The following CEP112 variants were observed in gnomAD, a reference collection of about 807,000 sequenced individuals.
CEP112 encodes centrosomal protein of 112 kDa.
In CEP112, 127 loss-of-function variants were observed where a neutral mutation model predicts 153.0. The observed-to-expected ratio is 0.83, with a 90% confidence interval of 0.72 to 0.96. CEP112 has a LOEUF of 0.96. Ranked by LOEUF, CEP112 falls within the 40% of genes least tolerant of loss-of-function variation. CEP112 has a pLI of 0.00. For synonymous variants in CEP112, 358 were observed against 374.4 expected (o/e 0.96, Z 0.51); for missense variants, 1,089 against 1,101.2 (o/e 0.99, Z 0.16).
At position 65,970,353 on chromosome 17, in the gene CEP112, A is replaced by G. The variant is rs189883644; in HGVS notation, c.1737-8755T>C. ...CATGCATATTACATGCATGTGCACTATGTGCCTATATTACATGCACACATC... is the reference window on the plus strand; with the variant it reads ...CATGCATATTACATGCATGTGCACTGTGTGCCTATATTACATGCACACATC... On this transcript the variant is annotated intron_variant, in intron 17 of 26. Coordinates refer to ENST00000535342, the MANE Select transcript of CEP112 (RefSeq NM_001199165.4). Among the ~76,000 whole-genome samples the G allele has an allele frequency of 3.8e-3, 580 of 151,822 alleles. 81 individuals carry two copies. Among genetic ancestry groups the G allele is most frequent in the African/African-American group, 0.013 (527 of 41,400 alleles).
At chr17:66,022,358 C>A (rs1170207226) in intron 16 of CEP112, among the ~76,000 whole-genome samples, 3 of 151,998 alleles carry the variant, frequency 2.0e-5, no homozygotes, top group African/African-American at 4.8e-5. Context: ...GTATAGCACC[C>A]ACAAAGGAAC....
At chr17:65,745,466 G>C (rs796472581) in intron 22 of CEP112, among the ~76,000 whole-genome samples, 91 of 152,292 alleles carry the variant, frequency 6.0e-4, no homozygotes, top group African/African-American at 2.1e-3. Context: ...TCAACTCACA[G>C]TCACAGAGCC....
Position 66,191,836 on chromosome 17 carries a change from G to T in CEP112, c.-9+161C>A, listed in dbSNP as rs1001909963. ...ACAGCGGGCAGCGCCGGGACCCCAG[G>T]GGCGCGCGCCCCCCAGGCCCGGAGA... is the stretch of plus-strand genomic sequence containing the variant. On this transcript the variant is annotated intron_variant, in intron 1 of 26. Coordinates refer to ENST00000535342, the MANE Select transcript of CEP112 (RefSeq NM_001199165.4). This position sits in a 1 kb window ranked among gnomAD's most constrained non-coding sequence, Gnocchi z 4.2. The T allele has an allele frequency of 6.6e-6, 1 of 152,384 alleles. No homozygotes were observed. Among genetic ancestry groups the T allele is most frequent in the Non-Finnish European group, 1.5e-5 (1 of 68,042 alleles). The allele number at this position is 152,384 out of a possible 1,614,324, so 9.4% of individuals were successfully genotyped here.
chr17:66,028,137 A>T (rs56239919), intron 15 of CEP112, among the ~76,000 whole-genome samples, 176 bp downstream of exon 15: 140,402 of 151,604 alleles, frequency 0.93, 65,248 homozygotes, highest in East Asian at 0.97. Flanking sequence ...CTACATCTCA[A>T]AGCATCAATC....
rs149590249 is a variant in CEP112, at chr17:65,739,282, T to C, written c.2607+3786A>G. Among the ~76,000 whole-genome samples the C allele has an allele frequency of 3.9e-5, 6 of 152,378 alleles. No individual in the cohort carries two copies. The East Asian group carries it at 9.6e-4, about 24-fold the overall frequency. On this transcript the variant is annotated intron_variant, in intron 23 of 26. Transcript: ENST00000535342. Reference sequence around the variant, plus strand: ...TCTGATCCAAAGAATTATGGGCAGATAGATGTTGCTCTAAGCCATCAAGTT... The same window carrying C: ...TCTGATCCAAAGAATTATGGGCAGACAGATGTTGCTCTAAGCCATCAAGTT...
intron 4 of CEP112, among the ~76,000 whole-genome samples, chr17:66,169,504 T>C (rs1490571976): frequency 6.6e-6 from 1 of 152,098 alleles, no homozygotes; most frequent in Non-Finnish European, 1.5e-5. Context: ...CAAGCTGGTA[T>C]CGAACTCCTG....
chr17:66,176,961 C>G lies in CEP112; in HGVS notation c.166G>C (p.Gly56Arg). ...KLCEPSGTGA[G>R]IMGRKNRNLY... ...TTCCGATTCTTCCTCCCCATTATTC[C>G]TGCACCTGTTCCTGAAGGTTCGCAC... The change falls in exon 3 of 27, where the codon GGA becomes CGA. Residue 56 changes from glycine (G) to arginine (R), a missense_variant. Gly to Arg is a moderately radical substitution (Grantham distance 125). Coordinates refer to ENST00000535342, the MANE Select transcript of CEP112 (RefSeq NM_001199165.4). 6.2e-7 allele frequency: 1 copy of G among 1,613,868 alleles called. No homozygotes were observed. The highest frequency in any genetic ancestry group is 8.5e-7 in the Non-Finnish European group (1 of 1,179,858).
intron 4 of CEP112, among the ~76,000 whole-genome samples, chr17:66,155,723 G>C (rs1397029127): frequency 6.6e-6 from 1 of 152,162 alleles, no homozygotes; most frequent in Non-Finnish European, 1.5e-5. Context: ...AGAGGCATCC[G>C]CCATTACTGA....
At chr17:65,735,050 C>T (rs2050721748) in intron 23 of CEP112, among the ~76,000 whole-genome samples, 1 of 152,142 alleles carries the variant, frequency 6.6e-6, no homozygotes. Flanking sequence ...CTTCCCCTTT[C>T]TTCCCATTCA....
rs2062047143 is a variant in CEP112 at position 65,957,672 on chromosome 17, G to A, written c.1872+3791C>T. ...TACTAGAAAAATTTAACCTATTAAT[G>A]TTTATTATTACAATTATATACTCTA... On this transcript the variant is annotated intron_variant, in intron 18 of 26. Transcript: ENST00000535342. Among the ~76,000 whole-genome samples the A allele has an allele frequency of 2.0e-5, 3 of 151,994 alleles. No homozygotes were observed. In the South Asian group the frequency reaches 6.2e-4, roughly 31 times the overall value.
intron 12 of CEP112, among the ~76,000 whole-genome samples, chr17:66,048,630 GAC>G (rs1383048555): frequency 2.0e-5 from 3 of 152,038 alleles, no homozygotes; most frequent in Admixed American, 2.0e-4. Context: ...TTATTTTTGA[GAC>G]AGAGTCTCGC....
intron 21 of CEP112, among the ~76,000 whole-genome samples, chr17:65,794,305 G>C (rs1263638638): frequency 6.6e-6 from 1 of 152,166 alleles, no homozygotes; most frequent in Non-Finnish European, 1.5e-5. Flanking sequence ...TAAAAGAATA[G>C]ACAAATGATC....
In CEP112 at chr17:65,844,459, C is replaced by T. The variant is rs193245094; in HGVS notation, c.2394+7345G>A. Among the ~76,000 whole-genome samples, 253 of 151,942 alleles carry T rather than the reference C, an allele frequency of 1.7e-3. 1 individual carries two copies. The highest frequency in any genetic ancestry group is 5.7e-3 in the African/African-American group (238 of 41,410). On this transcript the variant is annotated intron_variant, in intron 21 of 26. Coordinates refer to ENST00000535342, the MANE Select transcript of CEP112 (RefSeq NM_001199165.4). ...ACAGCACTTTAGGAGTCAAGGTGGG[C>T]GGATCACCTGAGGTCAGGAGTTCAA...
chr17:65,883,263 C>CGT (rs1555694794), intron 20 of CEP112, among the ~76,000 whole-genome samples: 2 of 146,822 alleles, frequency 1.4e-5, no homozygotes, highest in African/African-American at 5.0e-5. Flanking sequence ...AAGAAGTTTA[C>CGT]ATATATATAT....
At chr17:66,035,675 G>A (rs936976085) in intron 12 of CEP112, among the ~76,000 whole-genome samples, 1 of 152,178 alleles carries the variant, frequency 6.6e-6, no homozygotes, top group Admixed American at 6.5e-5. Context: ...TAGCCAAGAT[G>A]TATAAACGGC....
At chr17:66,164,894 G>C (rs1317730281) in intron 4 of CEP112, among the ~76,000 whole-genome samples, 2 of 129,392 alleles carry the variant, frequency 1.5e-5, no homozygotes, top group Non-Finnish European at 3.5e-5. Context: ...ATATGTGTGT[G>C]TGTGTGTGTG....
chr17:65,656,623 T>C (rs1379178220), intron 24 of CEP112, among the ~76,000 whole-genome samples: 2 of 152,160 alleles, frequency 1.3e-5, no homozygotes, highest in Non-Finnish European at 2.9e-5. Flanking sequence ...AATGGCAGTA[T>C]TGAGTAGTCT....
chr17:65,855,076 A>G (rs1400877388), intron 20 of CEP112, among the ~76,000 whole-genome samples: 2 of 152,176 alleles, frequency 1.3e-5, no homozygotes, highest in Non-Finnish European at 2.9e-5. Flanking sequence ...ACTAATAACT[A>G]TAACAATAAT....
intron 8 of CEP112, among the ~76,000 whole-genome samples, chr17:66,085,160 G>GTTA: frequency 6.6e-6 from 1 of 152,216 alleles, no homozygotes. Context: ...AACTTAAATA[G>GTTA]ACATAACCCT....
Sources: allele counts gnomAD v4.1 joint callset (sites outside exome capture counted in the v4.1 genomes callset), GRCh38; gene constraint gnomAD v4.1.1; non-coding constraint Gnocchi (gnomAD v3.1); transcripts MANE v1.5; gene names NCBI Gene and HGNC (gene_info 2026-07-23, HGNC 2026-07-21).